The following GALNT7 variants were observed in gnomAD, a reference collection of about 807,000 sequenced individuals.
GALNT7 encodes N-acetylgalactosaminyltransferase 7.
Under a neutral mutation model 82.1 loss-of-function variants are expected in GALNT7, and 60 were observed. That is an observed-to-expected ratio of 0.73 (90% CI 0.59 to 0.91). The LOEUF (loss-of-function observed/expected upper bound fraction) is 0.91, where lower values mean the gene tolerates loss of function less well. GALNT7 is among the 40% of genes least tolerant of loss of function. The probability of loss-of-function intolerance (pLI) is 0.00; values close to 1 mark genes in which losing one functional copy is unlikely to be tolerated. For missense variants in GALNT7, 660 were observed against 804.2 expected, an observed-to-expected ratio of 0.82 and a Z score of 2.17; for synonymous variants, 243 against 275.1, an observed-to-expected ratio of 0.88 and a Z score of 1.15.
intron 1 of GALNT7, among the ~76,000 whole-genome samples, chr4:173,208,998 G>A (rs2126667208): frequency 6.6e-6 from 1 of 152,226 alleles, no homozygotes; most frequent in East Asian, 1.9e-4. Flanking sequence ...GAATAGTTTA[G>A]AGATTCATCT....
chr4:173,188,177 A>G (rs1216161900), intron 1 of GALNT7, among the ~76,000 whole-genome samples: 4 of 152,244 alleles, frequency 2.6e-5, no homozygotes, highest in Admixed American at 2.0e-4. Context: ...TACATTCTTA[A>G]TTTAATCTTC....
In GALNT7 at chr4:173,290,487, A is replaced by T. The variant is rs1736493057; in HGVS notation, c.588-1621A>T. 2.0e-5 allele frequency among the ~76,000 whole-genome samples: 3 copies of T among 152,176 alleles called. No individual in the cohort carries two copies. In the South Asian group the frequency reaches 6.2e-4, roughly 32 times the overall value. On this transcript the variant is annotated intron_variant, in intron 2 of 11. Coordinates refer to ENST00000265000, the MANE Select transcript of GALNT7 (RefSeq NM_017423.3). ...TATTAACAATGATTTCCTCTAGGAG[A>T]TGAGATTTGACATCTATTAGGGGAT...
At chr4:173,244,642 T>G (rs182193985) in intron 1 of GALNT7, among the ~76,000 whole-genome samples, 1 of 152,170 alleles carries the variant, frequency 6.6e-6, no homozygotes, top group African/African-American at 2.4e-5. Context: ...TTAATGTATG[T>G]GAAGCACTTA....
intron 1 of GALNT7, among the ~76,000 whole-genome samples, chr4:173,215,610 T>C (rs1197491887): frequency 1.3e-5 from 2 of 152,134 alleles, no homozygotes; most frequent in East Asian, 3.9e-4. Context: ...GGGCCCGTTG[T>C]TTTGACCCTA....
chr4:173,321,780 G>T lies in GALNT7; in HGVS notation c.*63G>T. ...GTAAATTTATACAGGACTGAAAACC[G>T]CCTGAAACCTGCTGCAACTATTGTT... On this transcript the variant is annotated 3_prime_UTR_variant, in exon 12 of 12. Coordinates refer to ENST00000265000, the MANE Select transcript of GALNT7 (RefSeq NM_017423.3). 1 of 1,123,798 alleles carries T rather than the reference G, an allele frequency of 8.9e-7. No homozygotes were observed. The allele number at this position is 1,123,798 out of a possible 1,614,324, so 69.6% of individuals were successfully genotyped here.
In GALNT7 at chr4:173,313,941, ATATT is replaced by A; in HGVS notation, c.1390-15_1390-12del. ...TATTTTTATAACGATATATATATAT[ATATT>A]TTTTTTTTACAGAATTATGTTAGAG... On this transcript the variant is annotated splice_polypyrimidine_tract_variant and intron_variant, in intron 8 of 11. Transcript: ENST00000265000. 2.8e-6 allele frequency: 3 copies of A among 1,083,918 alleles called. No homozygotes were observed. The highest frequency in any genetic ancestry group is 2.6e-5 in the East Asian group (1 of 38,686). The allele number at this position is 1,083,918 out of a possible 1,614,324, so 67.1% of individuals were successfully genotyped here.
chr4:173,259,772 G>T (rs893624804), intron 2 of GALNT7, among the ~76,000 whole-genome samples: 1 of 152,054 alleles, frequency 6.6e-6, no homozygotes, highest in Non-Finnish European at 1.5e-5. Context: ...CCAGTAGCTG[G>T]GATCCCAGGT....
intron 2 of GALNT7, among the ~76,000 whole-genome samples, chr4:173,275,252 G>A (rs1735859116): frequency 6.6e-6 from 1 of 152,218 alleles, no homozygotes; most frequent in Admixed American, 6.5e-5. Context: ...GAGACTGCAA[G>A]CTGAATGGTC....
intron 1 of GALNT7, among the ~76,000 whole-genome samples, chr4:173,184,075 C>T (rs1732381498): frequency 6.6e-6 from 1 of 151,172 alleles, no homozygotes; most frequent in Non-Finnish European, 1.5e-5. Context: ...ACTTCCTAGA[C>T]AGGATGAGGG....
chr4:173,169,487 G>C (rs1731773155), intron 1 of GALNT7: 1 of 151,426 alleles, frequency 6.6e-6, no homozygotes, highest in South Asian at 2.1e-4. Context: ...GCCCGTCTGG[G>C]GGTGTTCGCA....
At chr4:173,317,531 C>G (rs1475192504) in intron 9 of GALNT7, 103 bp from the exon 10 acceptor site, 1 of 740,364 alleles carries the variant, frequency 1.4e-6, no homozygotes, top group African/African-American at 1.7e-5. Flanking sequence ...CCAGATTTTC[C>G]CTGTAAACTG....
At chr4:173,233,701 C>G (rs543539608) in intron 1 of GALNT7, among the ~76,000 whole-genome samples, 1 of 152,316 alleles carries the variant, frequency 6.6e-6, no homozygotes, top group East Asian at 1.9e-4. Context: ...CCAGGCCAGT[C>G]CCCATGACTG....
chr4:173,271,567 C>T (rs1046421276), intron 2 of GALNT7, among the ~76,000 whole-genome samples: 1 of 152,114 alleles, frequency 6.6e-6, no homozygotes, highest in Admixed American at 6.6e-5. Flanking sequence ...AGTGATTCTC[C>T]TGCCTCAGAC....
At chr4:173,314,200 T>C (rs762352981) in intron 9 of GALNT7, 24 bp downstream of exon 9, 2 of 1,401,704 alleles carry the variant, frequency 1.4e-6, no homozygotes, top group Non-Finnish European at 2.0e-6. Context: ...TCTCAAAATG[T>C]ATGTGTTTGT....
chr4:173,168,884 A>G lies in GALNT7; in HGVS notation c.49A>G (p.Ser17Gly). 6.2e-7 allele frequency: 1 copy of G among 1,613,596 alleles called. No homozygotes were observed. The highest frequency in any genetic ancestry group is 1.1e-5 in the South Asian group (1 of 91,058). ...FILRSLLVVG[S>G]FLGLVVLWSS... is the part of the protein sequence containing the mutation. Reference sequence around the variant, plus strand: ...CTTACGCAGTTTGCTGGTGGTGGGAAGCTTCCTGGGGCTAGTGGTCCTCTG... The same window carrying G: ...CTTACGCAGTTTGCTGGTGGTGGGAGGCTTCCTGGGGCTAGTGGTCCTCTG... The change falls in exon 1 of 12, where the codon AGC (serine) becomes GGC (glycine). Residue 17 changes from serine to glycine, a missense_variant. Physicochemically the swap from Ser to Gly is moderately conservative, Grantham distance 56 (BLOSUM62 0). Around this residue, in one of 2 missense-constraint regions of GALNT7, gnomAD observed 133 missense variants for 120.7 expected, o/e 1.10. Coordinates refer to ENST00000265000, the MANE Select transcript of GALNT7 (RefSeq NM_017423.3).
chr4:173,286,475 C>T (rs1736327035), intron 2 of GALNT7, among the ~76,000 whole-genome samples: 1 of 152,230 alleles, frequency 6.6e-6, no homozygotes, highest in Non-Finnish European at 1.5e-5. Flanking sequence ...ATTGTAACTG[C>T]TTAGAGGCAG....
chr4:173,171,194 G>A (rs1731857266), intron 1 of GALNT7, among the ~76,000 whole-genome samples: 2 of 152,172 alleles, frequency 1.3e-5, no homozygotes, highest in Admixed American at 1.3e-4. Flanking sequence ...AGGGATTATT[G>A]CCTTCCTTTA....
chr4:173,284,856 A>G (rs6810604), intron 2 of GALNT7, among the ~76,000 whole-genome samples: 16,283 of 152,170 alleles, frequency 0.11, 2,107 homozygotes, highest in African/African-American at 0.31. Flanking sequence ...AGACAATCCT[A>G]TTCAATCTTA....
intron 2 of GALNT7, among the ~76,000 whole-genome samples, chr4:173,276,934 A>G (rs758390977): frequency 5.2e-4 from 79 of 152,124 alleles, no homozygotes; most frequent in Non-Finnish European, 8.2e-4. Flanking sequence ...GGACCTTCCA[A>G]GTAGTACCAT....
Sources: gnomAD v4.1 joint callset for allele counts (sites outside exome capture counted in the v4.1 genomes callset) on GRCh38, gnomAD v4.1.1 for gene constraint, gnomAD v4.1.1 regional missense constraint, MANE v1.5 for transcripts, NCBI Gene and HGNC (gene_info 2026-07-23, HGNC 2026-07-21) for gene names.